CDK8: variants seen among roughly 807,000 people sequenced by gnomAD.
CDK8 encodes the protein cyclin dependent kinase 8, also known as cyclin-dependent kinase 8.
In CDK8, 29 loss-of-function variants were observed where a neutral mutation model predicts 71.5. The observed-to-expected ratio is 0.41, with a 90% CI of 0.30 to 0.55. CDK8 has a LOEUF of 0.55. CDK8 is among the 20% of genes least tolerant of loss of function. The pLI is 0.37. For synonymous variants in CDK8, 161 were observed against 192.1 expected, an observed-to-expected ratio of 0.84 and a Z score of 1.34; for missense variants, 288 against 572.6, an observed-to-expected ratio of 0.50 and a Z score of 5.07.
At chr13:26,292,172 T>C (rs1175311568) in intron 1 of CDK8, among the ~76,000 whole-genome samples, 2 of 152,184 alleles carry the variant, frequency 1.3e-5, no homozygotes, top group Non-Finnish European at 2.9e-5. Flanking sequence ...AGTGTGTGTA[T>C]GTGTATATCA....
intron 1 of CDK8, among the ~76,000 whole-genome samples, chr13:26,256,097 G>A (rs1871511327): frequency 6.6e-6 from 1 of 152,184 alleles, no homozygotes; most frequent in African/African-American, 2.4e-5. Context: ...TTATGCAACA[G>A]TAAAGTGGAA....
At chr13:26,397,327 C>T (rs1446353207) in intron 9 of CDK8, 102 bp downstream of exon 9, 1 of 673,662 alleles carries the variant, frequency 1.5e-6, no homozygotes, top group African/African-American at 1.8e-5. Flanking sequence ...TTAGCTAGCA[C>T]TCAGAGTGCT....
chr13:26,382,914 A>G, intron 5 of CDK8, 43 bp downstream of exon 5: 1 of 1,325,332 alleles, frequency 7.5e-7, no homozygotes, highest in Non-Finnish European at 1.1e-6. Flanking sequence ...CACTTTTTTA[A>G]AACTTTTGCA....
At chr13:26,278,402 T>C (rs1362826327) in intron 1 of CDK8, among the ~76,000 whole-genome samples, 1 of 152,186 alleles carries the variant, frequency 6.6e-6, no homozygotes, top group Non-Finnish European at 1.5e-5. Context: ...GGGCATGAGC[T>C]AGAAAGTAAT....
At chr13:26,390,325 G>A (rs1875687764) in intron 6 of CDK8, among the ~76,000 whole-genome samples, 1 of 152,124 alleles carries the variant, frequency 6.6e-6, no homozygotes, top group Non-Finnish European at 1.5e-5. Flanking sequence ...CAAAAGCATA[G>A]GGAAAAAAAT....
intron 2 of CDK8, among the ~76,000 whole-genome samples, chr13:26,340,691 CTTTAAT>C (rs1244281627): frequency 6.6e-6 from 1 of 152,120 alleles, no homozygotes; most frequent in African/African-American, 2.4e-5. Flanking sequence ...CAGTTTGTTT[CTTTAAT>C]ATAACACTCA....
chr13:26,296,970 A>C (rs1300883952), intron 1 of CDK8, among the ~76,000 whole-genome samples: 2 of 152,202 alleles, frequency 1.3e-5, no homozygotes, highest in Non-Finnish European at 2.9e-5. Flanking sequence ...TTAAAGGACT[A>C]ACCAAGGACT....
chr13:26,380,237 T>C (rs1438053862), intron 4 of CDK8, among the ~76,000 whole-genome samples: 1 of 152,198 alleles, frequency 6.6e-6, no homozygotes, highest in Non-Finnish European at 1.5e-5. Context: ...TGGAGTGCAA[T>C]GTCCTGATTT....
chr13:26,339,165 A>C (rs777486932), intron 2 of CDK8, among the ~76,000 whole-genome samples: 4 of 151,880 alleles, frequency 2.6e-5, no homozygotes, highest in African/African-American at 9.7e-5. Flanking sequence ...TCTTATGGCT[A>C]TTTTCTGTAT....
chr13:26,282,058 G>C (rs777890431), intron 1 of CDK8, among the ~76,000 whole-genome samples: 1 of 151,804 alleles, frequency 6.6e-6, no homozygotes. Context: ...CCTCCACAAA[G>C]TTTGGGATTA....
At chr13:26,264,034 A>G (rs997833670) in intron 1 of CDK8, among the ~76,000 whole-genome samples, 1 of 152,230 alleles carries the variant, frequency 6.6e-6, no homozygotes, top group African/African-American at 2.4e-5. Context: ...GGCGTGAGCC[A>G]CCGCTCCCAG....
At chr13:26,388,851 CCCT>C (rs963743467) in intron 6 of CDK8, among the ~76,000 whole-genome samples, 9 of 152,038 alleles carry the variant, frequency 5.9e-5, no homozygotes, top group African/African-American at 4.8e-5. Context: ...ATATTTTCCT[CCCT>C]CCTCCTCCTC....
intron 1 of CDK8, among the ~76,000 whole-genome samples, chr13:26,279,537 A>G (rs2137883158): frequency 6.6e-6 from 1 of 152,268 alleles, no homozygotes; most frequent in Middle Eastern, 3.4e-3. Flanking sequence ...GAATAATCAG[A>G]CAGATCTAGA....
intron 1 of CDK8, among the ~76,000 whole-genome samples, chr13:26,327,340 A>G (rs1422882692): frequency 6.6e-6 from 1 of 152,088 alleles, no homozygotes; most frequent in African/African-American, 2.4e-5. Flanking sequence ...TCCTTTTTTA[A>G]GGTAAAGGAA....
intron 4 of CDK8, among the ~76,000 whole-genome samples, chr13:26,368,065 C>T (rs1874474797): frequency 6.6e-6 from 1 of 152,158 alleles, no homozygotes. Context: ...TTGGATTGCC[C>T]AGATGGTCAT....
intron 6 of CDK8, 27 bp from the exon 7 acceptor site, chr13:26,393,340 C>CTTTTTTTTTTTTTTTTTTT: frequency 9.0e-7 from 1 of 1,114,682 alleles, no homozygotes; most frequent in Non-Finnish European, 1.2e-6. Context: ...ATTTTTCTTT[C>CTTTTTTTTTTTTTTTTTTT]TTTTTTTTTT....
intron 1 of CDK8, among the ~76,000 whole-genome samples, chr13:26,329,659 T>C (rs1875213343): frequency 1.3e-5 from 2 of 152,002 alleles, no homozygotes; most frequent in East Asian, 3.9e-4. Flanking sequence ...CCCACCACCA[T>C]GCCTGGCTAA....
chr13:26,303,662 T>C (rs1044644195), intron 1 of CDK8, among the ~76,000 whole-genome samples: 6 of 152,218 alleles, frequency 3.9e-5, no homozygotes, highest in African/African-American at 9.6e-5. Flanking sequence ...TGATCTTACA[T>C]AGAAAACATT....
rs899370593 is a variant in CDK8 at position 26,324,903 on chromosome 13, C to G, written c.129-12664C>G. The stretch of plus-strand genomic sequence containing the variant: ...TATAACTGAAACAGACAAGAAAAGA[C>G]CAAGTGTTTCTTTCAGCCTCCAAGA... On this transcript the variant is annotated intron_variant, in intron 1 of 12. Transcript: ENST00000381527. The G allele has an allele frequency of 2.6e-5, 7 of 271,870 alleles. No individual in the cohort carries two copies. In the Admixed American group the frequency reaches 4.6e-4, roughly 18 times the overall value. 16.8% of individuals were successfully genotyped at this position (271,870 alleles called of 1,614,324 possible).
Sources: gnomAD v4.1 joint callset for allele counts (sites outside exome capture counted in the v4.1 genomes callset) on GRCh38, gnomAD v4.1.1 for gene constraint, MANE v1.5 for transcripts, NCBI Gene and HGNC (gene_info 2026-07-23, HGNC 2026-07-21) for gene names.